ARHGAP26: variants seen among roughly 807,000 people sequenced by gnomAD.
The protein encoded by ARHGAP26 is Rho GTPase activating protein 26.
In ARHGAP26, 38 loss-of-function variants were observed where a neutral mutation model predicts 104.8. That is an observed-to-expected ratio of 0.36 (90% CI 0.28 to 0.48). ARHGAP26 has a LOEUF of 0.48. Ranked by LOEUF, ARHGAP26 falls within the 20% of genes least tolerant of loss-of-function variation. The probability of loss-of-function intolerance (pLI) is 0.99; values close to 1 mark genes in which losing one functional copy is unlikely to be tolerated. For missense variants in ARHGAP26, 704 were observed against 947.9 expected, an observed-to-expected ratio of 0.74 and a Z score of 3.38; for synonymous variants, 341 against 340.0, an observed-to-expected ratio of 1.00 and a Z score of -0.03.
At chr5:143,112,861 C>G (rs189094719) in intron 17 of ARHGAP26, among the ~76,000 whole-genome samples, 1 of 152,230 alleles carries the variant, frequency 6.6e-6, no homozygotes. Flanking sequence ...GTTCATCCAT[C>G]AGTAGACATT....
At chr5:142,970,749 G>A (rs1405763812) in intron 11 of ARHGAP26, among the ~76,000 whole-genome samples, 1 of 152,142 alleles carries the variant, frequency 6.6e-6, no homozygotes, top group Non-Finnish European at 1.5e-5. Context: ...AATGGATGTG[G>A]GGCAAGTAGA....
chr5:143,017,575 G>T (rs1479431121), intron 12 of ARHGAP26, among the ~76,000 whole-genome samples: 1 of 152,010 alleles, frequency 6.6e-6, no homozygotes, highest in Admixed American at 6.6e-5. Context: ...TAAAATGTGT[G>T]TCTTTTATCT....
At chr5:142,889,543 A>G (rs1230618113) in intron 5 of ARHGAP26, among the ~76,000 whole-genome samples, 1 of 152,038 alleles carries the variant, frequency 6.6e-6, no homozygotes, top group Non-Finnish European at 1.5e-5. Context: ...ACTTGAACCC[A>G]GGAGGCGGAG....
intron 11 of ARHGAP26, among the ~76,000 whole-genome samples, chr5:142,985,815 G>T (rs1445224276): frequency 6.6e-6 from 1 of 151,960 alleles, no homozygotes; most frequent in Non-Finnish European, 1.5e-5. Flanking sequence ...CTTCATCCAT[G>T]TCCCTACAAA....
chr5:143,221,527 T>A (rs1811131502), intron 22 of ARHGAP26, among the ~76,000 whole-genome samples: 1 of 151,828 alleles, frequency 6.6e-6, no homozygotes, highest in African/African-American at 2.4e-5. Context: ...CTGGATTGAT[T>A]GATTGAGACA....
intron 1 of ARHGAP26, among the ~76,000 whole-genome samples, chr5:142,810,716 C>G (rs1004608435): frequency 6.6e-6 from 1 of 152,114 alleles, no homozygotes; most frequent in Non-Finnish European, 1.5e-5. Context: ...GATGTAATAC[C>G]TATTTCATTG....
At chr5:143,007,069 G>A (rs1397820584) in intron 11 of ARHGAP26, among the ~76,000 whole-genome samples, 1 of 151,868 alleles carries the variant, frequency 6.6e-6, no homozygotes, top group Non-Finnish European at 1.5e-5. Flanking sequence ...AATTAGCCAG[G>A]TGTGGCCTGT....
At chr5:143,105,301 C>A (rs766583340) in intron 17 of ARHGAP26, among the ~76,000 whole-genome samples, 1 of 151,840 alleles carries the variant, frequency 6.6e-6, no homozygotes, top group Non-Finnish European at 1.5e-5. Flanking sequence ...CGCTTGAACC[C>A]GGGAGGCGGA....
At chr5:142,868,302 G>T (rs950545035) in intron 1 of ARHGAP26, among the ~76,000 whole-genome samples, 1 of 152,188 alleles carries the variant, frequency 6.6e-6, no homozygotes, top group African/African-American at 2.4e-5. Flanking sequence ...AGCAGCTGGA[G>T]CCCAGAGAGG....
intron 11 of ARHGAP26, among the ~76,000 whole-genome samples, chr5:142,956,638 G>C (rs985419963): frequency 1.3e-5 from 2 of 152,136 alleles, no homozygotes; most frequent in African/African-American, 4.8e-5. Flanking sequence ...AGACATCTGT[G>C]ACTTTATGAA....
intron 21 of ARHGAP26, 39 bp from the exon 22 acceptor site, chr5:143,213,956 GTT>G (rs778358668): frequency 7.4e-7 from 1 of 1,345,506 alleles, no homozygotes; most frequent in Non-Finnish European, 1.0e-6. Flanking sequence ...CTTTCTAAGG[GTT>G]TTTTCAAAAA....
At chr5:143,024,695 G>T (rs987761418) in intron 12 of ARHGAP26, among the ~76,000 whole-genome samples, 1 of 152,146 alleles carries the variant, frequency 6.6e-6, no homozygotes, top group African/African-American at 2.4e-5. Flanking sequence ...AACCCTATGA[G>T]CTAGATACTA....
intron 17 of ARHGAP26, among the ~76,000 whole-genome samples, chr5:143,076,494 T>TA (rs1789043955): frequency 6.6e-6 from 1 of 152,236 alleles, no homozygotes; most frequent in East Asian, 1.9e-4. Context: ...CTTTCATGTA[T>TA]ATATTTATAT....
intron 1 of ARHGAP26, among the ~76,000 whole-genome samples, chr5:142,795,315 A>G (rs1018711437): frequency 6.6e-6 from 1 of 150,834 alleles, no homozygotes; most frequent in Non-Finnish European, 1.5e-5. Flanking sequence ...AGGATTGCTC[A>G]GAAAGTGTTG....
intron 1 of ARHGAP26, among the ~76,000 whole-genome samples, chr5:142,776,693 A>G (rs1326297741): frequency 2.0e-5 from 3 of 152,202 alleles, no homozygotes; most frequent in Non-Finnish European, 4.4e-5. Flanking sequence ...TAATGCTGCT[A>G]TGAATGTTTG....
chr5:142,997,304 T>C (rs957870914), intron 11 of ARHGAP26, among the ~76,000 whole-genome samples: 1 of 152,148 alleles, frequency 6.6e-6, no homozygotes, highest in African/African-American at 2.4e-5. Context: ...TGGTGAAACA[T>C]TTTGATCATC....
intron 17 of ARHGAP26, among the ~76,000 whole-genome samples, chr5:143,099,146 A>G (rs1419857207): frequency 1.3e-5 from 2 of 152,250 alleles, no homozygotes; most frequent in East Asian, 3.8e-4. Flanking sequence ...GACAAAAATA[A>G]TTTGCAAACA....
At chr5:143,159,410 T>C (rs1309998208) in intron 20 of ARHGAP26, among the ~76,000 whole-genome samples, 3 of 152,184 alleles carry the variant, frequency 2.0e-5, no homozygotes, top group Non-Finnish European at 4.4e-5. Flanking sequence ...AAATAAATAG[T>C]AGAGTTGAGT....
chr5:143,216,143 G>T (rs949013003), intron 22 of ARHGAP26: 1 of 471,444 alleles, frequency 2.1e-6, no homozygotes, highest in African/African-American at 2.0e-5. Flanking sequence ...AAAAGGAAGA[G>T]AAGCCTGGAT....
Sources: allele counts gnomAD v4.1 joint callset (sites outside exome capture counted in the v4.1 genomes callset), GRCh38; gene constraint gnomAD v4.1.1; transcripts MANE v1.5; gene names NCBI Gene and HGNC (gene_info 2026-07-23, HGNC 2026-07-21).